Variants in TOGARAM1 observed in about 807,000 individuals in gnomAD.
The protein encoded by TOGARAM1 is TOG array regulator of axonemal microtubules protein 1.
In TOGARAM1, 100 loss-of-function variants were observed where a neutral mutation model predicts 166.6. The ratio of observed to expected loss-of-function variants is 0.60; its 90% CI spans 0.51 to 0.71. The LOEUF (loss-of-function observed/expected upper bound fraction) is 0.71, where lower values mean the gene tolerates loss of function less well. Among genes scored for constraint, TOGARAM1 ranks in the 30% least tolerant of loss-of-function variants. The pLI is 0.00. For synonymous variants in TOGARAM1, 758 were observed against 763.8 expected (o/e 0.99, Z 0.13); for missense variants, 2,029 against 2,102.7 (o/e 0.96, Z 0.69).
intron 7 of TOGARAM1, among the ~76,000 whole-genome samples, chr14:45,025,130 A>G (rs1880754388): frequency 1.3e-5 from 2 of 152,232 alleles, no homozygotes; most frequent in South Asian, 4.1e-4. Flanking sequence ...CTAGAAAAGC[A>G]CAGATTGCTG....
At chr14:45,051,584 C>T (rs973599690) in intron 14 of TOGARAM1, among the ~76,000 whole-genome samples, 11 of 133,308 alleles carry the variant, frequency 8.3e-5, no homozygotes, top group African/African-American at 2.4e-4. Flanking sequence ...TTTTGAGACG[C>T]AGTCTCACTC....
intron 11 of TOGARAM1, among the ~76,000 whole-genome samples, chr14:45,033,015 G>A (rs1352753859): frequency 7.2e-5 from 11 of 152,122 alleles, no homozygotes; most frequent in Non-Finnish European, 1.6e-4. Context: ...ACTTTGGGAG[G>A]GTGAGGTGGG....
chr14:45,024,549 T>C (rs1880715644), intron 7 of TOGARAM1, among the ~76,000 whole-genome samples: 1 of 152,230 alleles, frequency 6.6e-6, no homozygotes. Flanking sequence ...TTATATTTTT[T>C]TGATGAGATT....
At chr14:44,998,087 C>T (rs1594637643) in intron 2 of TOGARAM1, among the ~76,000 whole-genome samples, 1 of 152,124 alleles carries the variant, frequency 6.6e-6, no homozygotes, top group Non-Finnish European at 1.5e-5. Flanking sequence ...AATTTATAGA[C>T]CTTTATGCAG....
At chr14:45,071,865 T>C in intron 19 of TOGARAM1, 67 bp downstream of exon 19, 1 of 1,260,352 alleles carries the variant, frequency 7.9e-7, no homozygotes, top group South Asian at 1.4e-5. Flanking sequence ...ACTGTTTCAA[T>C]TTAATTTTAG....
At chr14:45,037,849 A>G (rs1448654164) in intron 11 of TOGARAM1, among the ~76,000 whole-genome samples, 1 of 150,520 alleles carries the variant, frequency 6.6e-6, no homozygotes, top group Non-Finnish European at 1.5e-5. Flanking sequence ...AACACGGTGA[A>G]ACCCCATCTC....
chr14:45,025,902 A>C (rs755576717), intron 8 of TOGARAM1, 30 bp downstream of exon 8: 1 of 1,157,160 alleles, frequency 8.6e-7, no homozygotes, highest in Non-Finnish European at 1.3e-6. Flanking sequence ...CTTCTTAATT[A>C]TATGTATTCA....
chr14:45,014,128 C>T (rs1879978722), intron 7 of TOGARAM1, among the ~76,000 whole-genome samples: 1 of 149,378 alleles, frequency 6.7e-6, no homozygotes, highest in Non-Finnish European at 1.5e-5. Context: ...TCACTGCAAG[C>T]TCCGCCTCCC....
chr14:44,963,322 T>A lies in TOGARAM1; in HGVS notation c.901T>A (p.Ser301Thr), dbSNP rs1307544607. 1 of 1,614,216 alleles carries A rather than the reference T, an allele frequency of 6.2e-7. No homozygotes were observed. Among genetic ancestry groups the A allele is most frequent in the Admixed American group, 1.7e-5 (1 of 60,022 alleles). ...TCAATCTTACATTTCTCGTCTGCCC[T>A]CTGCCCTGAGGAGACACTACAATCG... ...RFQSYISRLPSALRRHYNRRL... is the reference protein window; with the variant it reads ...RFQSYISRLPTALRRHYNRRL... The change falls in exon 1 of 20, where the codon TCT (serine) becomes ACT (threonine). Residue 301 changes from serine (S) to threonine (T), a missense_variant. Physicochemically the swap from Ser to Thr is moderately conservative, Grantham distance 58. Around this residue, in one of 2 missense-constraint regions of TOGARAM1, gnomAD observed 1,453 missense variants for 1,432.2 expected, o/e 1.01. Coordinates refer to ENST00000361462, the MANE Select transcript of TOGARAM1 (RefSeq NM_001308120.2).
chr14:44,980,559 T>G (rs966613808), intron 1 of TOGARAM1, among the ~76,000 whole-genome samples: 2 of 152,118 alleles, frequency 1.3e-5, no homozygotes, highest in African/African-American at 2.4e-5. Context: ...CATGCACCTG[T>G]AATCCCAGCT....
chr14:45,050,695 A>G (rs776993250), intron 14 of TOGARAM1, among the ~76,000 whole-genome samples: 1 of 150,762 alleles, frequency 6.6e-6, no homozygotes, highest in East Asian at 2.0e-4. Context: ...GTTCACTGCA[A>G]CCTCCACCTC....
At chr14:45,009,743 C>G (rs977316892) in intron 6 of TOGARAM1, among the ~76,000 whole-genome samples, 2 of 152,162 alleles carry the variant, frequency 1.3e-5, no homozygotes, top group African/African-American at 4.8e-5. Flanking sequence ...CAGATTACTT[C>G]TGTAACCTCT....
intron 7 of TOGARAM1, among the ~76,000 whole-genome samples, chr14:45,013,062 C>G (rs1010565779): frequency 6.6e-6 from 1 of 152,196 alleles, no homozygotes; most frequent in African/African-American, 2.4e-5. Context: ...TCATTTTTCA[C>G]TGCCCTCTTT....
At chr14:45,019,090 C>T (rs1009881231) in intron 7 of TOGARAM1, among the ~76,000 whole-genome samples, 3 of 152,306 alleles carry the variant, frequency 2.0e-5, no homozygotes, top group Admixed American at 2.0e-4. Flanking sequence ...TCTTCCTATA[C>T]CCATTTCTCT....
intron 1 of TOGARAM1, among the ~76,000 whole-genome samples, chr14:44,989,734 G>C (rs1367386000): frequency 6.6e-6 from 1 of 152,102 alleles, no homozygotes; most frequent in Non-Finnish European, 1.5e-5. Context: ...ATTTTCAAGT[G>C]TCTTTATAGC....
intron 1 of TOGARAM1, among the ~76,000 whole-genome samples, chr14:44,976,817 G>T (rs1300778106): frequency 6.6e-6 from 1 of 152,134 alleles, no homozygotes; most frequent in African/African-American, 2.4e-5. Flanking sequence ...ATATGAAAGT[G>T]CTTCTTTGGT....
At chr14:44,997,293 C>T (rs917429171) in intron 2 of TOGARAM1, 7 of 150,458 alleles carry the variant, frequency 4.7e-5, no homozygotes, top group African/African-American at 1.7e-4. Flanking sequence ...GTAATCCCAA[C>T]TACTCGAGAG....
chr14:45,026,636 C>G (rs1194538650), intron 8 of TOGARAM1, among the ~76,000 whole-genome samples: 2 of 152,110 alleles, frequency 1.3e-5, no homozygotes, highest in African/African-American at 4.8e-5. Context: ...CCCTCTCCTT[C>G]TTTACTTTAT....
chr14:44,963,545 T>C lies in TOGARAM1; in HGVS notation c.1124T>C (p.Leu375Pro), dbSNP rs150433582. 1.6e-5 allele frequency: 26 copies of C among 1,613,950 alleles called. No individual in the cohort carries two copies. Among genetic ancestry groups the C allele is most frequent in the African/African-American group, 2.7e-5 (2 of 74,918 alleles). Residue 375 changes from leucine to proline, a missense_variant, in exon 1 of 20, where the codon CTA becomes CCA. Transcript: ENST00000361462. Reference protein sequence around the residue: ...YKNRTQAVEELKQVLGKFNPS... With the variant: ...YKNRTQAVEEPKQVLGKFNPS... Reference sequence around the variant, plus strand: ...AACCGGACCCAGGCCGTCGAAGAACTAAAGCAGGTGCTGGGAAAATTTAAC... The same window carrying C: ...AACCGGACCCAGGCCGTCGAAGAACCAAAGCAGGTGCTGGGAAAATTTAAC...
Sources: allele counts gnomAD v4.1 joint callset (sites outside exome capture counted in the v4.1 genomes callset), GRCh38; gene constraint gnomAD v4.1.1; regional missense constraint gnomAD v4.1.1; transcripts MANE v1.5; gene names NCBI Gene and HGNC (gene_info 2026-07-23, HGNC 2026-07-21).